The following RBFOX1 variants were observed in gnomAD, a reference collection of about 807,000 sequenced individuals.
RBFOX1 encodes RNA binding fox-1 homolog 1.
Under a neutral mutation model 57.7 loss-of-function variants are expected in RBFOX1, and 8 were observed. The observed-to-expected ratio is 0.14, with a 90% confidence interval of 0.08 to 0.25. The LOEUF (loss-of-function observed/expected upper bound fraction) is 0.25. Among genes scored for constraint, RBFOX1 ranks in the 10% least tolerant of loss-of-function variants. The pLI is 1.00. For synonymous variants in RBFOX1, 326 were observed against 222.4 expected, an observed-to-expected ratio of 1.47 and a Z score of -4.15; for missense variants, 611 against 548.5, an observed-to-expected ratio of 1.11 and a Z score of -1.14.
Position 5,424,989 on chromosome 16 carries a change from T to TTTTTTTCTTTC in RBFOX1, c.220-42224_220-42223insTTTCTTTCTTT, listed in dbSNP as rs1567490770. 3.7e-4 allele frequency among the ~76,000 whole-genome samples: 28 copies of TTTTTTTCTTTC among 75,804 alleles called. 1 individual carries two copies. Among genetic ancestry groups the TTTTTTTCTTTC allele is most frequent in the Middle Eastern group, 0.011 (2 of 182 alleles). 49.7% of individuals were successfully genotyped at this position (75,804 alleles called of 152,430 possible). On this transcript the variant is annotated intron_variant, in intron 1 of 2. Transcript: ENST00000585867. The stretch of plus-strand genomic sequence containing the variant: ...CTCTTTCTTTCTTTCTTTTCTTTTC[T>TTTTTTTCTTTC]TTTCTTTTCTTTTCTTTTCTTTTCT...
intron 3 of RBFOX1, among the ~76,000 whole-genome samples, chr16:5,721,346 T>A (rs1470915677): frequency 6.6e-6 from 1 of 152,132 alleles, no homozygotes; most frequent in Non-Finnish European, 1.5e-5. Flanking sequence ...CTTGTGTGGG[T>A]GTGGATGTGG....
At chr16:6,261,455 T>C (rs1423473272) in intron 1 of RBFOX1, among the ~76,000 whole-genome samples, 2 of 152,162 alleles carry the variant, frequency 1.3e-5, no homozygotes, top group African/African-American at 4.8e-5. Flanking sequence ...AGTGTGATTG[T>C]TTTAGTGGCT....
At chr16:6,229,333 G>C (rs1287690295) in intron 1 of RBFOX1, among the ~76,000 whole-genome samples, 1 of 152,160 alleles carries the variant, frequency 6.6e-6, no homozygotes, top group Non-Finnish European at 1.5e-5. Flanking sequence ...CAGTTCCTCT[G>C]CACGCAGTGC....
At chr16:6,642,875 G>A (rs1294584671) in intron 2 of RBFOX1, among the ~76,000 whole-genome samples, 1 of 152,052 alleles carries the variant, frequency 6.6e-6, no homozygotes, top group Non-Finnish European at 1.5e-5. Context: ...CCCAACTAAG[G>A]TAAACTTTAC....
At chr16:7,569,688 G>A (rs2092569433) in intron 5 of RBFOX1, among the ~76,000 whole-genome samples, 1 of 152,206 alleles carries the variant, frequency 6.6e-6, no homozygotes, top group South Asian at 2.1e-4. Context: ...ACCAACCACA[G>A]GTGTCTGTTG....
At chr16:5,562,429 A>G (rs192550927) in intron 2 of RBFOX1, among the ~76,000 whole-genome samples, 16 of 152,232 alleles carry the variant, frequency 1.1e-4, no homozygotes, top group African/African-American at 2.6e-4. Flanking sequence ...CTCTGAGGGC[A>G]GATGCTGGGG....
intron 3 of RBFOX1, among the ~76,000 whole-genome samples, chr16:6,947,601 G>T (rs2079820861): frequency 6.6e-6 from 1 of 152,324 alleles, no homozygotes; most frequent in Admixed American, 6.5e-5. Context: ...CTCCTGCCTT[G>T]CGTAGAAGGA....
intron 11 of RBFOX1, among the ~76,000 whole-genome samples, chr16:7,642,228 C>G (rs1295504986): frequency 6.6e-6 from 1 of 152,188 alleles, no homozygotes; most frequent in Admixed American, 6.5e-5. Flanking sequence ...TTTGGAGGCT[C>G]TGGCTCAGAT....
intron 2 of RBFOX1, among the ~76,000 whole-genome samples, chr16:6,528,184 C>G (rs949623532): frequency 1.3e-5 from 2 of 152,130 alleles, no homozygotes; most frequent in Non-Finnish European, 2.9e-5. Flanking sequence ...TTTATCCTCC[C>G]CCCATAAATT....
chr16:5,664,786 G>A (rs192020482), intron 3 of RBFOX1, among the ~76,000 whole-genome samples: 1 of 152,274 alleles, frequency 6.6e-6, no homozygotes, highest in East Asian at 1.9e-4. Flanking sequence ...GATCCATGGA[G>A]AGGTAATGCT....
At chr16:6,895,475 T>TAC (rs2066637594) in intron 3 of RBFOX1, among the ~76,000 whole-genome samples, 1 of 104,682 alleles carries the variant, frequency 9.6e-6, no homozygotes, top group Non-Finnish European at 2.0e-5. Context: ...TATATATATA[T>TAC]ATATATATAT....
At chr16:6,241,548 G>C (rs2097540056) in intron 1 of RBFOX1, among the ~76,000 whole-genome samples, 1 of 152,186 alleles carries the variant, frequency 6.6e-6, no homozygotes, top group Non-Finnish European at 1.5e-5. Context: ...GCAATACACA[G>C]TTAGATGGTA....
chr16:6,160,275 G>A (rs2096868277), intron 1 of RBFOX1, among the ~76,000 whole-genome samples: 1 of 152,110 alleles, frequency 6.6e-6, no homozygotes, highest in Admixed American at 6.5e-5. Flanking sequence ...TTTTCTTAAT[G>A]TGTATATTTG....
chr16:6,912,878 C>G (rs1055220353), intron 3 of RBFOX1, among the ~76,000 whole-genome samples: 21 of 152,198 alleles, frequency 1.4e-4, no homozygotes, highest in African/African-American at 5.1e-4. Context: ...CCTTGACCTC[C>G]CAAAGTGCTG....
chr16:6,216,433 C>G (rs925833978), intron 1 of RBFOX1, among the ~76,000 whole-genome samples: 3 of 152,252 alleles, frequency 2.0e-5, no homozygotes, highest in East Asian at 1.9e-4. Context: ...ATAGTTTTGC[C>G]TTTTGCCAAC....
chr16:5,459,196 A>G (rs762168757), intron 1 of RBFOX1, among the ~76,000 whole-genome samples: 3 of 152,284 alleles, frequency 2.0e-5, no homozygotes, highest in Admixed American at 6.5e-5. Context: ...CCACATGTGG[A>G]CATGCATTGG....
chr16:6,388,861 T>C (rs1395042130), intron 2 of RBFOX1, among the ~76,000 whole-genome samples: 1 of 152,144 alleles, frequency 6.6e-6, no homozygotes, highest in African/African-American at 2.4e-5. Context: ...CTCAGTAATA[T>C]GTGGAATCTA....
At chr16:6,756,152 T>A (rs984701964) in intron 3 of RBFOX1, among the ~76,000 whole-genome samples, 1 of 152,162 alleles carries the variant, frequency 6.6e-6, no homozygotes, top group Non-Finnish European at 1.5e-5. Context: ...ATTTCAAGCA[T>A]TTAAAAAATA....
intron 1 of RBFOX1, among the ~76,000 whole-genome samples, chr16:6,254,115 T>C (rs1453984012): frequency 6.6e-6 from 1 of 152,114 alleles, no homozygotes; most frequent in Non-Finnish European, 1.5e-5. Flanking sequence ...TTGCCTTCCT[T>C]GATGGAGGTT....
Sources: gnomAD v4.1 joint callset for allele counts (sites outside exome capture counted in the v4.1 genomes callset) on GRCh38, gnomAD v4.1.1 for gene constraint, MANE v1.5 for transcripts, NCBI Gene and HGNC (gene_info 2026-07-23, HGNC 2026-07-21) for gene names.